NAALADL2: variants seen among roughly 807,000 people sequenced by gnomAD.
NAALADL2 encodes the protein N-acetylated alpha-linked acidic dipeptidase like 2, also known as inactive N-acetylated-alpha-linked acidic dipeptidase-like protein 2.
Under a neutral mutation model 87.2 loss-of-function variants are expected in NAALADL2, and 76 were observed. The observed-to-expected ratio is 0.87, with a 90% CI of 0.72 to 1.05. NAALADL2 has a LOEUF of 1.05. NAALADL2 is among the 50% of genes least tolerant of loss of function. The probability of loss-of-function intolerance (pLI) is 0.00; values close to 1 mark genes in which losing one functional copy is unlikely to be tolerated. For synonymous variants in NAALADL2, 354 were observed against 331.0 expected (o/e 1.07, Z -0.75); for missense variants, 1,089 against 945.8 (o/e 1.15, Z -1.99).
In NAALADL2 at chr3:175,227,774, T is replaced by G. The variant is rs73045224; in HGVS notation, c.546-6157T>G. On this transcript the variant is annotated intron_variant, in intron 2 of 13. Transcript: ENST00000454872. ...AACCATTTGTAGCTGTAAGACTGTG[T>G]CAAAGAAGGCTGATTTAAAACAATT... is the stretch of plus-strand genomic sequence containing the variant. 2.9e-3 allele frequency among the ~76,000 whole-genome samples: 441 copies of G among 152,076 alleles called. 3 individuals carry two copies. Among genetic ancestry groups the G allele is most frequent in the African/African-American group, 0.01 (417 of 41,552 alleles).
Position 174,547,343 on chromosome 3 carries a change from A to G in NAALADL2, c.-183-3226A>G, listed in dbSNP as rs531183641. Among the ~76,000 whole-genome samples the G allele has an allele frequency of 7.5e-4, 114 of 152,298 alleles. 2 individuals are homozygous for G. The South Asian group carries it at 0.021, about 29-fold the overall frequency. ...TTTCTGGGTTGATTACCAGTAATTTACATTAAAATAATATAAGGTATTGAT... is the reference window on the plus strand; with the variant it reads ...TTTCTGGGTTGATTACCAGTAATTTGCATTAAAATAATATAAGGTATTGAT... On this transcript the variant is annotated intron_variant, in intron 1 of 3. Coordinates refer to the NAALADL2 transcript ENST00000434257.
At chr3:174,457,142 A>G (rs1177938389) in intron 1 of NAALADL2, among the ~76,000 whole-genome samples, 1 of 152,162 alleles carries the variant, frequency 6.6e-6, no homozygotes, top group Non-Finnish European at 1.5e-5. Flanking sequence ...GCAAATAAAA[A>G]CTACAATGAG....
Position 175,096,966 on chromosome 3 carries a change from C to T in NAALADL2, c.220C>T (p.Leu74=). The part of the protein sequence containing the change: ...FQLDGAENQN[L]GHSETIDLNL... ...GCTAGACGGTGCTGAGAATCAGAAC[C>T]TAGGGCATTCAGAGACTATAGACCT... The change falls in exon 2 of 14, where the codon CTA becomes TTA. Residue 74 remains leucine (L), a synonymous_variant. Coordinates refer to ENST00000454872, the MANE Select transcript of NAALADL2 (RefSeq NM_207015.3). 1 of 1,613,244 alleles carries T rather than the reference C, an allele frequency of 6.2e-7. No homozygotes were observed. The highest frequency in any genetic ancestry group is 8.5e-7 in the Non-Finnish European group (1 of 1,179,606).
intron 11 of NAALADL2, among the ~76,000 whole-genome samples, chr3:175,642,581 A>G (rs572951744): frequency 1.3e-5 from 2 of 151,366 alleles, no homozygotes; most frequent in African/African-American, 4.9e-5. Context: ...GCTCACTGCA[A>G]GCTCCACCTT....
chr3:174,968,996 T>C (rs1251386468), intron 1 of NAALADL2, among the ~76,000 whole-genome samples: 1 of 152,192 alleles, frequency 6.6e-6, no homozygotes, highest in Non-Finnish European at 1.5e-5. Flanking sequence ...ATGATACATA[T>C]CATCTCCACT....
chr3:174,781,409 G>A (rs1315632084), intron 3 of NAALADL2, among the ~76,000 whole-genome samples: 1 of 151,394 alleles, frequency 6.6e-6, no homozygotes, highest in Non-Finnish European at 1.5e-5. Context: ...ATCACTTTCA[G>A]GTACACCATT....
At chr3:174,979,793 T>G (rs949032908) in intron 1 of NAALADL2, among the ~76,000 whole-genome samples, 1 of 152,230 alleles carries the variant, frequency 6.6e-6, no homozygotes, top group Non-Finnish European at 1.5e-5. Flanking sequence ...ATGCTTCTCT[T>G]ACTATTAAAT....
At position 175,588,647 on chromosome 3, in the gene NAALADL2, A is replaced by T. The variant is rs370760851; in HGVS notation, c.1800+12460A>T. On this transcript the variant is annotated intron_variant, in intron 10 of 13. Coordinates refer to ENST00000454872, the MANE Select transcript of NAALADL2 (RefSeq NM_207015.3). ...TCCGCCTCCTGGGTTCACGCCATTC[A>T]CCTGCCTCAGCCTCCTGAGTAGCTG... Among the ~76,000 whole-genome samples the T allele has an allele frequency of 4.6e-3, 660 of 143,126 alleles. 8 individuals carry two copies. Among genetic ancestry groups the T allele is most frequent in the Middle Eastern group, 0.02 (5 of 256 alleles). The allele number at this position is 143,126 out of a possible 152,430, so 93.9% of individuals were successfully genotyped here.
At chr3:175,399,400 G>A (rs1291464684) in intron 5 of NAALADL2, among the ~76,000 whole-genome samples, 2 of 151,854 alleles carry the variant, frequency 1.3e-5, no homozygotes, top group Non-Finnish European at 1.5e-5. Context: ...CAGTTTATTA[G>A]GAAAATAAAG....
chr3:174,953,254 A>C (rs937854631), intron 1 of NAALADL2, among the ~76,000 whole-genome samples: 1 of 141,968 alleles, frequency 7.0e-6, no homozygotes, highest in Non-Finnish European at 1.5e-5. Flanking sequence ...CATTTTATTC[A>C]GGAAGCAAAA....
chr3:174,873,261 A>G (rs1245319881), intron 1 of NAALADL2, among the ~76,000 whole-genome samples: 1 of 135,252 alleles, frequency 7.4e-6, no homozygotes, highest in East Asian at 2.0e-4. Context: ...TTATTTATTT[A>G]TTTATTTATT....
chr3:175,597,496 T>C (rs1454171545), intron 10 of NAALADL2, among the ~76,000 whole-genome samples: 1 of 152,020 alleles, frequency 6.6e-6, no homozygotes, highest in Non-Finnish European at 1.5e-5. Context: ...AATAATTTAA[T>C]ATCTTTAATC....
At chr3:174,654,102 T>TGTG (rs1161902017) in intron 2 of NAALADL2, among the ~76,000 whole-genome samples, 1 of 137,038 alleles carries the variant, frequency 7.3e-6, no homozygotes. Flanking sequence ...GTGTGTGTGT[T>TGTG]AGAAATGTGG....
At chr3:175,164,730 A>G (rs1733741419) in intron 2 of NAALADL2, among the ~76,000 whole-genome samples, 1 of 152,194 alleles carries the variant, frequency 6.6e-6, no homozygotes. Flanking sequence ...AAGCATGTCA[A>G]CCTATTTTCA....
chr3:175,016,662 T>G (rs1401509742), intron 1 of NAALADL2, among the ~76,000 whole-genome samples: 2 of 151,942 alleles, frequency 1.3e-5, no homozygotes, highest in African/African-American at 2.4e-5. Context: ...AAGCCATGCA[T>G]TTTTAATATT....
chr3:175,643,786 G>T (rs531923436), intron 11 of NAALADL2, among the ~76,000 whole-genome samples: 1 of 152,120 alleles, frequency 6.6e-6, no homozygotes. Context: ...AAACAGTGAC[G>T]TTATTTATCA....
intron 13 of NAALADL2, among the ~76,000 whole-genome samples, chr3:175,769,110 T>C (rs986935465): frequency 1.3e-5 from 2 of 152,202 alleles, no homozygotes; most frequent in African/African-American, 4.8e-5. Context: ...CTTTCTTACC[T>C]GTAAGTTAGA....
intron 3 of NAALADL2, among the ~76,000 whole-genome samples, chr3:174,761,454 A>C (rs968715539): frequency 6.6e-6 from 1 of 152,190 alleles, no homozygotes; most frequent in Non-Finnish European, 1.5e-5. Flanking sequence ...TACATGATAC[A>C]TAAAAATGGA....
intron 11 of NAALADL2, among the ~76,000 whole-genome samples, chr3:175,662,105 C>T (rs1732338452): frequency 6.6e-6 from 1 of 151,790 alleles, no homozygotes; most frequent in Non-Finnish European, 1.5e-5. Flanking sequence ...TTTTAATTTT[C>T]CAATTTCCCA....
Sources: gnomAD v4.1 joint callset for allele counts (sites outside exome capture counted in the v4.1 genomes callset) on GRCh38, gnomAD v4.1.1 for gene constraint, MANE v1.5 for transcripts, NCBI Gene and HGNC (gene_info 2026-07-23, HGNC 2026-07-21) for gene names.